Variants in CAMTA1 observed in about 807,000 individuals in gnomAD.
The protein encoded by CAMTA1 is calmodulin-binding transcription activator 1.
CAMTA1 carries 27 observed loss-of-function variants against 170.9 expected under a neutral mutation model. That is an observed-to-expected ratio of 0.16 (90% CI 0.12 to 0.22). The LOEUF (loss-of-function observed/expected upper bound fraction) is 0.22, where lower values mean the gene tolerates loss of function less well. Ranked by LOEUF, CAMTA1 falls within the 10% of genes least tolerant of loss-of-function variation. CAMTA1 has a pLI of 1.00. For synonymous variants in CAMTA1, 833 were observed against 891.5 expected, an observed-to-expected ratio of 0.93 and a Z score of 1.17; for missense variants, 1,619 against 2,217.2, an observed-to-expected ratio of 0.73 and a Z score of 5.42.
chr1:7,111,885 CA>C (rs66460647), intron 4 of CAMTA1, among the ~76,000 whole-genome samples: 38,241 of 75,524 alleles, frequency 0.51, 6,659 homozygotes, highest in African/African-American at 0.56. Context: ...ACTCCATCTC[CA>C]AAAAAAAAAA....
At chr1:7,596,192 G>C (rs183563591) in intron 6 of CAMTA1, among the ~76,000 whole-genome samples, 13 of 152,342 alleles carry the variant, frequency 8.5e-5, no homozygotes, top group Admixed American at 8.5e-4. Context: ...TGGGGCATCA[G>C]TGCCCAGGAG....
At chr1:7,282,086 C>T (rs1181806172) in intron 5 of CAMTA1, among the ~76,000 whole-genome samples, 1 of 152,082 alleles carries the variant, frequency 6.6e-6, no homozygotes, top group Non-Finnish European at 1.5e-5. Flanking sequence ...GGGAGATGAT[C>T]ACTCCACCTT....
intron 6 of CAMTA1, among the ~76,000 whole-genome samples, chr1:7,531,465 C>T (rs879562900): frequency 3.3e-5 from 5 of 152,178 alleles, no homozygotes; most frequent in Non-Finnish European, 5.9e-5. Flanking sequence ...CATCCTTACT[C>T]GAAAAACCTG....
intron 4 of CAMTA1, among the ~76,000 whole-genome samples, chr1:7,227,400 T>G (rs1471951121): frequency 1.3e-5 from 2 of 152,114 alleles, no homozygotes; most frequent in Non-Finnish European, 2.9e-5. Context: ...TGATCTTGGC[T>G]CACCGCAACC....
chr1:7,455,669 C>T lies in CAMTA1; in HGVS notation c.439-12161C>T, dbSNP rs534368251. 6.6e-6 allele frequency among the ~76,000 whole-genome samples: 1 copy of T among 152,354 alleles called. No individual in the cohort carries two copies. Among genetic ancestry groups the T allele is most frequent in the Admixed American group, 6.5e-5 (1 of 15,296 alleles). On this transcript the variant is annotated intron_variant, in intron 5 of 22. Transcript: ENST00000303635. This position sits in a 1 kb window ranked among gnomAD's most constrained non-coding sequence, Gnocchi z 5.0. ...GATACCTACGTGGCGTCACAGGTGCCTAGAGCGGGCGGCGCTGGGGAGCTG... is the reference window on the plus strand; with the variant it reads ...GATACCTACGTGGCGTCACAGGTGCTTAGAGCGGGCGGCGCTGGGGAGCTG...
intron 5 of CAMTA1, among the ~76,000 whole-genome samples, chr1:7,404,261 G>A (rs72853180): frequency 0.13 from 19,599 of 152,152 alleles, 3,513 homozygotes; most frequent in African/African-American, 0.41. Flanking sequence ...TGGGGTTGGC[G>A]CCAACTCCCG....
intron 4 of CAMTA1, among the ~76,000 whole-genome samples, chr1:7,177,046 C>T (rs1650988762): frequency 6.6e-6 from 1 of 152,048 alleles, no homozygotes; most frequent in South Asian, 2.1e-4. Context: ...GCCCCCTCCC[C>T]TCACAAGGCC....
At chr1:7,107,413 C>T (rs888091277) in intron 4 of CAMTA1, among the ~76,000 whole-genome samples, 2 of 152,052 alleles carry the variant, frequency 1.3e-5, no homozygotes, top group Non-Finnish European at 2.9e-5. Context: ...GGGTGAATTT[C>T]AATCAGAAAA....
intron 6 of CAMTA1, among the ~76,000 whole-genome samples, chr1:7,555,953 G>A (rs35308117): frequency 0.44 from 66,612 of 151,752 alleles, 15,398 homozygotes; most frequent in Non-Finnish European, 0.5. Context: ...ATCAGCAGGC[G>A]GCTGCCTGTT....
chr1:6,928,098 C>T (rs990070633), intron 3 of CAMTA1, among the ~76,000 whole-genome samples: 12 of 152,178 alleles, frequency 7.9e-5, no homozygotes, highest in Non-Finnish European at 1.3e-4. Context: ...CAGCCACCAG[C>T]GCTGGAAGGG....
chr1:7,578,541 C>T (rs2095224996), intron 6 of CAMTA1, among the ~76,000 whole-genome samples: 2 of 152,234 alleles, frequency 1.3e-5, no homozygotes, highest in South Asian at 4.1e-4. Flanking sequence ...GGAAAGGACA[C>T]GTGCATCCAA....
chr1:7,686,719 G>T (rs2096261663), intron 11 of CAMTA1, among the ~76,000 whole-genome samples: 1 of 152,296 alleles, frequency 6.6e-6, no homozygotes, highest in Non-Finnish European at 1.5e-5. Flanking sequence ...CTACTCCAGG[G>T]CTCTTGCGTC....
At chr1:7,194,235 T>A (rs918968736) in intron 4 of CAMTA1, among the ~76,000 whole-genome samples, 25 of 152,300 alleles carry the variant, frequency 1.6e-4, no homozygotes, top group African/African-American at 6.0e-4. Flanking sequence ...ATATAGCTAC[T>A]TTTTTGGTAC....
chr1:7,031,281 T>C (rs1702764207), intron 3 of CAMTA1, among the ~76,000 whole-genome samples: 2 of 152,324 alleles, frequency 1.3e-5, no homozygotes, highest in South Asian at 4.1e-4. Flanking sequence ...GTGACTGTTA[T>C]GTCCTCATGA....
Position 7,752,527 on chromosome 1 carries a change from G to T in CAMTA1, c.4952G>T (p.Arg1651Leu), listed in dbSNP as rs927134133. ...ATAATGAGGTTTCTTCGCCGCTGTC[G>T]CCACAGGTACACTAGTCCTTGTTTA... Reference protein sequence around the residue: ...RKIMRFLRRCRHSPLVDHRLY... With the variant: ...RKIMRFLRRCLHSPLVDHRLY... Residue 1651 changes from arginine to leucine, a missense_variant, in exon 21 of 23, where the codon CGC (arginine) becomes CTC (leucine). Physicochemically the swap from Arg to Leu is moderately radical, Grantham distance 102 (BLOSUM62 -2). Coordinates refer to ENST00000303635, the MANE Select transcript of CAMTA1 (RefSeq NM_015215.4). 1.2e-6 allele frequency: 2 copies of T among 1,604,502 alleles called. No individual in the cohort carries two copies. The highest frequency in any genetic ancestry group is 2.2e-5 in the South Asian group (2 of 89,170).
chr1:6,967,968 G>T (rs1691850614), intron 3 of CAMTA1, among the ~76,000 whole-genome samples: 1 of 152,190 alleles, frequency 6.6e-6, no homozygotes, highest in Non-Finnish European at 1.5e-5. Context: ...TTATATCACA[G>T]TTAATAACCA....
At chr1:7,245,070 T>C (rs1389470507) in intron 4 of CAMTA1, among the ~76,000 whole-genome samples, 2 of 151,856 alleles carry the variant, frequency 1.3e-5, no homozygotes, top group Non-Finnish European at 2.9e-5. Context: ...GAATTTCTTG[T>C]TAAATGTATG....
At chr1:7,176,921 T>G (rs1280843740) in intron 4 of CAMTA1, among the ~76,000 whole-genome samples, 1 of 151,934 alleles carries the variant, frequency 6.6e-6, no homozygotes, top group Non-Finnish European at 1.5e-5. Context: ...CCCCACTAGA[T>G]TGCGGAGAGG....
intron 19 of CAMTA1, among the ~76,000 whole-genome samples, chr1:7,749,569 A>G (rs2096881276): frequency 6.6e-6 from 1 of 151,782 alleles, no homozygotes; most frequent in African/African-American, 2.4e-5. Flanking sequence ...AGAAACTGTC[A>G]TCTACAGCTA....
Sources: allele counts gnomAD v4.1 joint callset (sites outside exome capture counted in the v4.1 genomes callset), GRCh38; gene constraint gnomAD v4.1.1; non-coding constraint Gnocchi (gnomAD v3.1); transcripts MANE v1.5; gene names NCBI Gene and HGNC (gene_info 2026-07-23, HGNC 2026-07-21).